SRCIN1: variants seen among roughly 807,000 people sequenced by gnomAD.
SRCIN1 encodes P130Cas-associated protein.
Under a neutral mutation model 116.2 loss-of-function variants are expected in SRCIN1, and 50 were observed. The ratio of observed to expected loss-of-function variants is 0.43; its 90% CI spans 0.34 to 0.54. The LOEUF is 0.54. Ranked by LOEUF, SRCIN1 falls within the 20% of genes least tolerant of loss-of-function variation. The pLI is 0.02. For synonymous variants in SRCIN1, 736 were observed against 750.0 expected (o/e 0.98, Z 0.30); for missense variants, 1,446 against 1,672.0 (o/e 0.86, Z 2.36).
At chr17:38,555,709 C>G (rs1597897735) in intron 11 of SRCIN1, among the ~76,000 whole-genome samples, 1 of 152,242 alleles carries the variant, frequency 6.6e-6, no homozygotes, top group East Asian at 1.9e-4. Flanking sequence ...TGCTGCATCT[C>G]ATTTTCACAC....
At chr17:38,573,958 G>A (rs1033164950) in intron 2 of SRCIN1, among the ~76,000 whole-genome samples, 2 of 152,218 alleles carry the variant, frequency 1.3e-5, no homozygotes, top group Admixed American at 6.5e-5. Flanking sequence ...AGTTACACTC[G>A]GCTAAAACAT....
intron 1 of SRCIN1, among the ~76,000 whole-genome samples, chr17:38,589,205 C>T (rs1384858754): frequency 2.6e-5 from 4 of 152,202 alleles, no homozygotes; most frequent in South Asian, 2.1e-4. Flanking sequence ...CGTGAGCCAC[C>T]GTGCCCAGCC....
Position 38,552,563 on chromosome 17 carries a change from C to A in SRCIN1, c.2364G>T (p.Arg788=), listed in dbSNP as rs778386755. 5 of 1,610,662 alleles carry A rather than the reference C, an allele frequency of 3.1e-6. No homozygotes were observed. The highest frequency in any genetic ancestry group is 3.4e-6 in the Non-Finnish European group (4 of 1,178,692). Residue 788 remains arginine, a synonymous_variant, in exon 13 of 19, where the codon CGG becomes CGT. Transcript: ENST00000617146. The surrounding 1 kb of genome is among the most constrained non-coding windows in gnomAD (Gnocchi z 5.3). ...CCTCCACCTCCACGCGCAGCACCAC[C>A]CGCATCTTGCTCTGCAGGCCCGGGA... The part of the protein sequence containing the change: ...AHFPGLQSKM[R]VVLRVEVEAV...
rs202180676 is a variant in SRCIN1 at position 38,533,390 on chromosome 17, G to A, written c.3459C>T (p.Thr1153=). The change falls in exon 19 of 19, where the codon ACC becomes ACT. Residue 1153 remains threonine, a synonymous_variant. Transcript: ENST00000617146. ...PSKEMSGSNE[T]SSPVSEKPSA... is the part of the protein sequence containing the mutation. ...AGGGCTTTTCTGAGACTGGGCTCGA[G>A]GTCTCATTCGACCCGCTCATCTCTT... 885 of 1,612,514 alleles carry A rather than the reference G, an allele frequency of 5.5e-4. 8 individuals carry two copies. In the African/African-American group the frequency reaches 0.011, roughly 20 times the overall value.
intron 2 of SRCIN1, among the ~76,000 whole-genome samples, chr17:38,574,243 C>T (rs905855190): frequency 1.3e-5 from 2 of 152,212 alleles, no homozygotes; most frequent in Non-Finnish European, 2.9e-5. Flanking sequence ...TAGCAATGTC[C>T]AGGCCTAGCT....
At position 38,560,243 on chromosome 17, in the gene SRCIN1, C is replaced by A; in HGVS notation, c.1793+90G>T. On this transcript the variant is annotated intron_variant, in intron 8 of 18. Coordinates refer to ENST00000617146, the MANE Select transcript of SRCIN1 (RefSeq NM_025248.3). ...GGGAAGGGATTCACCCAGGGTCACC[C>A]AGTGAGACACTGGCAGAGCCGATGC... is the stretch of plus-strand genomic sequence containing the variant. The A allele has an allele frequency of 2.1e-6, 3 of 1,445,712 alleles. No individual in the cohort carries two copies. The South Asian group carries it at 3.9e-5, about 19-fold the overall frequency. 89.6% of individuals were successfully genotyped at this position (1,445,712 alleles called of 1,614,324 possible).
chr17:38,592,339 C>A (rs1189797844), intron 1 of SRCIN1, among the ~76,000 whole-genome samples: 3 of 152,014 alleles, frequency 2.0e-5, no homozygotes, highest in Non-Finnish European at 4.4e-5. Context: ...ACCCTTCCAG[C>A]CTCTGCAGCC....
intron 15 of SRCIN1, among the ~76,000 whole-genome samples, chr17:38,550,728 G>A (rs1362701800): frequency 2.0e-5 from 3 of 152,216 alleles, no homozygotes; most frequent in Non-Finnish European, 4.4e-5. Context: ...TAAAATGAAG[G>A]AATGATGACT....
chr17:38,561,511 G>A lies in SRCIN1; in HGVS notation c.1652C>T (p.Ser551Leu), dbSNP rs1025186263. Residue 551 changes from serine to leucine, a missense_variant, in exon 7 of 19, where the codon TCG becomes TTG. Ser to Leu is a moderately radical substitution (Grantham distance 145, BLOSUM62 -2). Transcript: ENST00000617146. Reference sequence around the variant, plus strand: ...CACTGGCGGCCCGAACCCAACCAGCGAGCGTTCCCCAGGCCCAGGGAAGAG... The same window carrying A: ...CACTGGCGGCCCGAACCCAACCAGCAAGCGTTCCCCAGGCCCAGGGAAGAG... ...SELFPGPGER[S>L]LVGFGPPVPA... is the part of the protein sequence containing the mutation. 1.3e-6 allele frequency: 2 copies of A among 1,596,604 alleles called. No individual in the cohort carries two copies. The highest frequency in any genetic ancestry group is 1.4e-5 in the African/African-American group (1 of 73,794).
At chr17:38,546,642 A>G (rs1905094344) in intron 17 of SRCIN1, 1 of 152,536 alleles carries the variant, frequency 6.6e-6, no homozygotes, top group Admixed American at 6.5e-5. Context: ...GGAGGGGCCA[A>G]AGTGCCAAGG....
chr17:38,535,873 CCTTT>C (rs2040993415), intron 18 of SRCIN1, among the ~76,000 whole-genome samples: 1 of 152,206 alleles, frequency 6.6e-6, no homozygotes, highest in African/African-American at 2.4e-5. Flanking sequence ...CCCCGGTTGT[CCTTT>C]TCCCTCTGAA....
rs1336388101 is a variant in SRCIN1, at chr17:38,558,400, T to C, written c.2028A>G (p.Leu676=). 5.0e-6 allele frequency: 8 copies of C among 1,596,902 alleles called. No individual in the cohort carries two copies. The East Asian group carries it at 6.8e-5, about 14-fold the overall frequency. ...GCGCGCGCACCGACTCCTGGTTCTG[T>C]AGCTGCGGGACGCACGGACGGATGG... is the stretch of plus-strand genomic sequence containing the variant. The part of the protein sequence containing the change: ...GQLQQLRKLQ[L]QNQESVRALL... The change falls in exon 11 of 19, where the codon CTA becomes CTG. Residue 676 remains leucine, a splice_region_variant and synonymous_variant. Coordinates refer to ENST00000617146, the MANE Select transcript of SRCIN1 (RefSeq NM_025248.3). This position sits in a 1 kb window ranked among gnomAD's most constrained non-coding sequence, Gnocchi z 4.6.
intron 18 of SRCIN1, among the ~76,000 whole-genome samples, chr17:38,534,643 T>C (rs2040974720): frequency 6.6e-6 from 1 of 152,198 alleles, no homozygotes; most frequent in African/African-American, 2.4e-5. Flanking sequence ...TTTTCTCAGA[T>C]GCCTTGCAGA....
chr17:38,535,012 G>A (rs1288448937), intron 18 of SRCIN1, among the ~76,000 whole-genome samples: 1 of 152,040 alleles, frequency 6.6e-6, no homozygotes, highest in Non-Finnish European at 1.5e-5. Flanking sequence ...TGTGCCTGTG[G>A]TTCCAGCTTC....
At chr17:38,565,400 C>G (rs1906618435) in intron 3 of SRCIN1, among the ~76,000 whole-genome samples, 1 of 152,110 alleles carries the variant, frequency 6.6e-6, no homozygotes, top group South Asian at 2.1e-4. Context: ...AATCATGTTG[C>G]CCAATTATAT....
At chr17:38,548,909 G>T in intron 16 of SRCIN1, 147 bp downstream of exon 16, 1 of 1,225,366 alleles carries the variant, frequency 8.2e-7, no homozygotes, top group Non-Finnish European at 1.1e-6. Context: ...CAAACTAGCA[G>T]GACAAAGTCG....
intron 18 of SRCIN1, among the ~76,000 whole-genome samples, chr17:38,537,652 G>A (rs1415769795): frequency 1.3e-5 from 2 of 152,034 alleles, no homozygotes; most frequent in African/African-American, 2.4e-5. Flanking sequence ...TGAGCCAGGC[G>A]TGGTGGCGGG....
At chr17:38,557,329 G>C (rs918826665) in intron 11 of SRCIN1, among the ~76,000 whole-genome samples, 3 of 152,228 alleles carry the variant, frequency 2.0e-5, no homozygotes, top group African/African-American at 7.2e-5. Flanking sequence ...GAAAAGAGAG[G>C]TGAAAAACTT....
Position 38,558,165 on chromosome 17 carries a change from C to G in SRCIN1, c.2201+62G>C, listed in dbSNP as rs1905925877. On this transcript the variant is annotated intron_variant, in intron 11 of 18. Transcript: ENST00000617146. This position sits in a 1 kb window ranked among gnomAD's most constrained non-coding sequence, Gnocchi z 4.6. ...AAGGGAGCTGCGCCTCCCAGGGAAA[C>G]CAGGTTGCGGGTCACTCCAGCCGCA... 6.4e-7 allele frequency: 1 copy of G among 1,573,678 alleles called. No homozygotes were observed.
Sources: allele counts gnomAD v4.1 joint callset (sites outside exome capture counted in the v4.1 genomes callset), GRCh38; gene constraint gnomAD v4.1.1; non-coding constraint Gnocchi (gnomAD v3.1); transcripts MANE v1.5; gene names NCBI Gene and HGNC (gene_info 2026-07-23, HGNC 2026-07-21).